The following TRDN variants were observed in gnomAD, a reference collection of about 807,000 sequenced individuals.
TRDN encodes the protein triadin, also known as triadin in skeletal muscle.
In TRDN, 161 loss-of-function variants were observed where a neutral mutation model predicts 149.7. That is an observed-to-expected ratio of 1.08 (90% CI 0.95 to 1.23). TRDN has a LOEUF of 1.23. Among genes scored for constraint, TRDN ranks in the 50% most tolerant of loss-of-function variants. TRDN has a pLI of 0.00. For synonymous variants in TRDN, 294 were observed against 250.5 expected, an observed-to-expected ratio of 1.17 and a Z score of -1.64; for missense variants, 896 against 823.5, an observed-to-expected ratio of 1.09 and a Z score of -1.08.
At chr6:123,438,852 G>T in intron 11 of TRDN, 92 bp downstream of exon 11, 2 of 980,208 alleles carry the variant, frequency 2.0e-6, no homozygotes, top group South Asian at 1.8e-5. Flanking sequence ...TTTATTAAGG[G>T]AATTTCTTTC....
At chr6:123,525,375 A>G (rs1005228348) in intron 5 of TRDN, among the ~76,000 whole-genome samples, 6 of 152,128 alleles carry the variant, frequency 3.9e-5, no homozygotes, top group African/African-American at 1.4e-4. Flanking sequence ...ATTCAGTCAT[A>G]AAAAAGAATG....
At chr6:123,507,469 GA>G (rs1778982231) in intron 7 of TRDN, among the ~76,000 whole-genome samples, 1 of 151,914 alleles carries the variant, frequency 6.6e-6, no homozygotes, top group Non-Finnish European at 1.5e-5. Context: ...TCTGGAAATA[GA>G]TAACTTTGCC....
chr6:123,344,489 T>C (rs1416111948), intron 21 of TRDN, among the ~76,000 whole-genome samples: 2 of 152,036 alleles, frequency 1.3e-5, no homozygotes, highest in Non-Finnish European at 2.9e-5. Flanking sequence ...CTCCATACTT[T>C]TGCCTTTTCC....
At chr6:123,289,348 G>A (rs899263435) in intron 24 of TRDN, among the ~76,000 whole-genome samples, 4 of 151,924 alleles carry the variant, frequency 2.6e-5, no homozygotes, top group Admixed American at 6.6e-5. Flanking sequence ...TGGGAAAAGC[G>A]ATGATGCTGA....
At chr6:123,431,316 T>A (rs1391992935) in intron 12 of TRDN, among the ~76,000 whole-genome samples, 1 of 152,180 alleles carries the variant, frequency 6.6e-6, no homozygotes, top group South Asian at 2.1e-4. Context: ...TTTACTTATC[T>A]GAATGAATTT....
At chr6:123,607,562 G>C (rs182757771) in intron 1 of TRDN, among the ~76,000 whole-genome samples, 5 of 152,112 alleles carry the variant, frequency 3.3e-5, no homozygotes, top group Admixed American at 2.6e-4. Flanking sequence ...TAGTCTCTCC[G>C]CACATGGCTT....
At chr6:123,265,716 A>ATAATATTAATTATTAATATTAATTTATAC (rs1776923707) in intron 32 of TRDN, among the ~76,000 whole-genome samples, 1 of 147,554 alleles carries the variant, frequency 6.8e-6, no homozygotes. Flanking sequence ...ATTTATACTA[A>ATAATATTAATTATTAATATTAATTTATAC]TAATATTAAT....
chr6:123,282,574 T>A (rs1367678), intron 24 of TRDN, among the ~76,000 whole-genome samples: 28,119 of 151,744 alleles, frequency 0.19, 3,433 homozygotes, highest in East Asian at 0.62. Context: ...AAAACCAATC[T>A]AGAGTGCGCT....
intron 1 of TRDN, among the ~76,000 whole-genome samples, chr6:123,581,165 G>T (rs1157104006): frequency 2.0e-5 from 3 of 152,122 alleles, no homozygotes; most frequent in Non-Finnish European, 4.4e-5. Context: ...AAAAGTTCCT[G>T]ATGAATCTGT....
chr6:123,363,446 A>G (rs1197464566), intron 20 of TRDN, among the ~76,000 whole-genome samples: 1 of 152,206 alleles, frequency 6.6e-6, no homozygotes, highest in African/African-American at 2.4e-5. Flanking sequence ...CAAAACAGCT[A>G]TGGTTGCTTT....
intron 21 of TRDN, among the ~76,000 whole-genome samples, chr6:123,346,829 C>T (rs557530406): frequency 1.8e-4 from 28 of 151,912 alleles, no homozygotes; most frequent in Middle Eastern, 3.4e-3. Context: ...AGATTAAATA[C>T]GATGATAAAG....
At chr6:123,334,614 G>A (rs986917770) in intron 22 of TRDN, among the ~76,000 whole-genome samples, 8 of 152,048 alleles carry the variant, frequency 5.3e-5, no homozygotes, top group Non-Finnish European at 1.0e-4. Context: ...CCCTGTGGGT[G>A]TGTTGAAAAG....
intron 2 of TRDN, among the ~76,000 whole-genome samples, chr6:123,564,385 A>T (rs1206827605): frequency 6.6e-6 from 1 of 152,196 alleles, no homozygotes; most frequent in Non-Finnish European, 1.5e-5. Context: ...TTTCCTAAAA[A>T]GTAATAACAT....
At chr6:123,279,197 C>A in intron 24 of TRDN, 115 bp from the exon 25 acceptor site, 4 of 807,226 alleles carry the variant, frequency 5.0e-6, no homozygotes, top group Non-Finnish European at 7.2e-6. Flanking sequence ...GTAGACCCCA[C>A]CTATCCTTTT....
At chr6:123,390,683 T>C (rs1387397056) in intron 13 of TRDN, among the ~76,000 whole-genome samples, 3 of 152,120 alleles carry the variant, frequency 2.0e-5, no homozygotes, top group Non-Finnish European at 4.4e-5. Context: ...GTAGCTTGTG[T>C]TCCACGTGTC....
chr6:123,529,164 A>T, intron 5 of TRDN: 1 of 1,541,446 alleles, frequency 6.5e-7, no homozygotes, highest in East Asian at 2.5e-5. Context: ...GTCTGCAAGA[A>T]AAAAACAGCA....
At chr6:123,249,962 C>T (rs929948388) in intron 38 of TRDN, among the ~76,000 whole-genome samples, 1 of 151,858 alleles carries the variant, frequency 6.6e-6, no homozygotes. Context: ...AAGGACTCCA[C>T]CAAAAAAACT....
chr6:123,314,984 T>C (rs193094064), intron 24 of TRDN, among the ~76,000 whole-genome samples: 95 of 152,050 alleles, frequency 6.2e-4, no homozygotes, highest in African/African-American at 2.2e-3. Flanking sequence ...ATCCTGCACA[T>C]GTACACCTGA....
intron 9 of TRDN, chr6:123,489,577 A>G (rs187885641): frequency 7.9e-5 from 12 of 152,304 alleles, no homozygotes; most frequent in Non-Finnish European, 1.5e-4. Context: ...TGTAATTACC[A>G]TGTGACAGCA....
Sources: gnomAD v4.1 joint callset for allele counts (sites outside exome capture counted in the v4.1 genomes callset) on GRCh38, gnomAD v4.1.1 for gene constraint, MANE v1.5 for transcripts, NCBI Gene and HGNC (gene_info 2026-07-23, HGNC 2026-07-21) for gene names.